Variants in EVA1A observed in about 807,000 individuals in gnomAD.
EVA1A encodes the protein protein eva-1 homolog A.
In EVA1A, 7 loss-of-function variants were observed where a neutral mutation model predicts 9.8. The observed-to-expected ratio is 0.71, with a 90% confidence interval of 0.41 to 1.34. The LOEUF is 1.34. Ranked by LOEUF, EVA1A falls within the 40% of genes most tolerant of loss-of-function variation. The pLI, the probability that EVA1A is intolerant of heterozygous loss-of-function variation, is 0.01. For synonymous variants in EVA1A, 90 were observed against 85.6 expected (o/e 1.05, Z -0.28); for missense variants, 206 against 205.9 (o/e 1.00, Z 0.00).
chr2:75,516,519 C>CCCTTGTGAT (rs1553417287), intron 3 of EVA1A, among the ~76,000 whole-genome samples: 1 of 152,170 alleles, frequency 6.6e-6, no homozygotes, highest in Non-Finnish European at 1.5e-5. Flanking sequence ...TACTTTTCAG[C>CCCTTGTGAT]CTTGACAAGA....
At chr2:75,543,528 A>C (rs1363852538) in intron 1 of EVA1A, among the ~76,000 whole-genome samples, 1 of 151,754 alleles carries the variant, frequency 6.6e-6, no homozygotes, top group Non-Finnish European at 1.5e-5. Flanking sequence ...AAAAAAAAAC[A>C]AAAAAAACCT....
At chr2:75,496,231 G>C (rs1223712803) in intron 3 of EVA1A, among the ~76,000 whole-genome samples, 1 of 152,160 alleles carries the variant, frequency 6.6e-6, no homozygotes, top group African/African-American at 2.4e-5. Context: ...CATAGCAAGA[G>C]AGGAAGTCAA....
intron 3 of EVA1A, among the ~76,000 whole-genome samples, chr2:75,497,508 G>A (rs1572942541): frequency 1.3e-5 from 2 of 151,900 alleles, no homozygotes; most frequent in African/African-American, 4.8e-5. Flanking sequence ...AGTCAGAATG[G>A]CCATTATTAA....
intron 1 of EVA1A, among the ~76,000 whole-genome samples, chr2:75,537,000 T>C (rs957969953): frequency 1.3e-5 from 2 of 151,874 alleles, no homozygotes; most frequent in African/African-American, 2.4e-5. Flanking sequence ...ACAAAGATAG[T>C]GCAAAAAAAG....
At chr2:75,542,841 T>A (rs747910906) in intron 1 of EVA1A, 1 of 152,090 alleles carries the variant, frequency 6.6e-6, no homozygotes, top group African/African-American at 2.4e-5. Flanking sequence ...TTTGGGGGAA[T>A]AATTTTGGAA....
chr2:75,556,071 T>C (rs1302519191), intron 1 of EVA1A, among the ~76,000 whole-genome samples: 1 of 152,212 alleles, frequency 6.6e-6, no homozygotes, highest in Non-Finnish European at 1.5e-5. Context: ...GCAATCTTAA[T>C]GGTACAAACC....
intron 1 of EVA1A, among the ~76,000 whole-genome samples, chr2:75,523,395 A>T (rs539432209): frequency 6.6e-6 from 1 of 152,342 alleles, no homozygotes; most frequent in East Asian, 1.9e-4. Context: ...GAAAACTATC[A>T]GGCACTGACC....
chr2:75,552,516 TG>T (rs552893311), intron 1 of EVA1A, among the ~76,000 whole-genome samples: 90 of 152,340 alleles, frequency 5.9e-4, no homozygotes, highest in Non-Finnish European at 1.1e-3. Flanking sequence ...TTCTTGAGTC[TG>T]CCCAATTCTC....
At chr2:75,565,963 A>G (rs1225019167) in intron 1 of EVA1A, among the ~76,000 whole-genome samples, 1 of 152,106 alleles carries the variant, frequency 6.6e-6, no homozygotes, top group African/African-American at 2.4e-5. Context: ...AATGAGGACA[A>G]CCTTTCTCTT....
intron 1 of EVA1A, among the ~76,000 whole-genome samples, chr2:75,553,065 T>C (rs1487926251): frequency 6.6e-6 from 1 of 152,240 alleles, no homozygotes; most frequent in Non-Finnish European, 1.5e-5. Flanking sequence ...TGACTTCCTT[T>C]GTCCCCAGCC....
intron 1 of EVA1A, among the ~76,000 whole-genome samples, chr2:75,532,935 G>A (rs1431768131): frequency 6.6e-6 from 1 of 152,116 alleles, no homozygotes; most frequent in South Asian, 2.1e-4. Context: ...TTGAGCTCAG[G>A]TGTTTGAGAC....
At chr2:75,531,806 C>T (rs1460378457) in intron 1 of EVA1A, among the ~76,000 whole-genome samples, 1 of 152,084 alleles carries the variant, frequency 6.6e-6, no homozygotes, top group Non-Finnish European at 1.5e-5. Context: ...ACATTGGGTA[C>T]AGTATACACT....
At chr2:75,563,789 A>G (rs1051211566), upstream of EVA1A, among the ~76,000 whole-genome samples, 5 of 152,124 alleles carry the variant, frequency 3.3e-5, no homozygotes, top group African/African-American at 9.7e-5. Context: ...CAAGTCATCA[A>G]AACTCTCTGT....
intron 1 of EVA1A, among the ~76,000 whole-genome samples, chr2:75,535,048 A>T (rs1675825936): frequency 6.6e-6 from 1 of 152,112 alleles, no homozygotes; most frequent in South Asian, 2.1e-4. Flanking sequence ...GTCAAAGATC[A>T]GTCCAGAATC....
At chr2:75,547,473 T>C (rs1038840482) in intron 1 of EVA1A, among the ~76,000 whole-genome samples, 2 of 152,156 alleles carry the variant, frequency 1.3e-5, no homozygotes, top group African/African-American at 4.8e-5. Context: ...AAGGAGATAA[T>C]CTATGTAATG....
chr2:75,496,114 T>C (rs968032757), intron 3 of EVA1A, among the ~76,000 whole-genome samples: 2 of 152,060 alleles, frequency 1.3e-5, no homozygotes, highest in Non-Finnish European at 2.9e-5. Context: ...GTGTAGATAA[T>C]GCAAGTGAAA....
intron 1 of EVA1A, among the ~76,000 whole-genome samples, chr2:75,536,929 G>A (rs1417189934): frequency 6.6e-6 from 1 of 152,098 alleles, no homozygotes; most frequent in Admixed American, 6.5e-5. Flanking sequence ...GAAAATCAGA[G>A]AAGAGGGGAT....
At chr2:75,518,234 T>C in intron 2 of EVA1A, 26 bp from the exon 3 acceptor site, 1 of 1,540,578 alleles carries the variant, frequency 6.5e-7, no homozygotes, top group Non-Finnish European at 8.7e-7. Context: ...AAGTGAGTGA[T>C]AAGAAACATT....
Position 75,500,957 on chromosome 2 carries a change from AT to A in EVA1A, c.86-7349del, listed in dbSNP as rs1180770647. Among the ~76,000 whole-genome samples, 4 of 150,860 alleles carry A rather than the reference AT, an allele frequency of 2.7e-5. No homozygotes were observed. The East Asian group carries it at 5.8e-4, about 22-fold the overall frequency. ...TTCCACTTCCTTCCACCTTCAATTA[AT>A]TTTGCACATGGCTGTCAAGGCAACA... is the stretch of plus-strand genomic sequence containing the variant. On this transcript the variant is annotated intron_variant, in intron 3 of 3. Coordinates refer to ENST00000393913, the MANE Select transcript of EVA1A (RefSeq NM_001135032.2).
Sources: allele counts gnomAD v4.1 joint callset (sites outside exome capture counted in the v4.1 genomes callset), GRCh38; gene constraint gnomAD v4.1.1; transcripts MANE v1.5; gene names NCBI Gene and HGNC (gene_info 2026-07-23, HGNC 2026-07-21).